SPATC1L: variants seen among roughly 807,000 people sequenced by gnomAD.
SPATC1L encodes the protein spermatogenesis and centriole associated 1 like, also known as speriolin-like protein.
In SPATC1L, 20 loss-of-function variants were observed where a neutral mutation model predicts 21.2. The observed-to-expected ratio is 0.94, with a 90% CI of 0.66 to 1.37. The LOEUF (loss-of-function observed/expected upper bound fraction) is 1.37. SPATC1L is among the 40% of genes most tolerant of loss of function. SPATC1L has a pLI of 0.00. For synonymous variants in SPATC1L, 290 were observed against 234.5 expected (o/e 1.24, Z -2.16); for missense variants, 499 against 478.7 (o/e 1.04, Z -0.40).
chr21:46,162,455 G>C (rs554791804), intron 3 of SPATC1L, among the ~76,000 whole-genome samples: 2 of 152,218 alleles, frequency 1.3e-5, no homozygotes, highest in South Asian at 4.1e-4. Flanking sequence ...AGGGCCGGTC[G>C]GCTTGGCTGG....
At position 46,162,074 on chromosome 21, in the gene SPATC1L, G is replaced by T. The variant is rs1167793450; in HGVS notation, c.545-7C>A. 4 of 1,566,816 alleles carry T rather than the reference G, an allele frequency of 2.6e-6. No individual in the cohort carries two copies. Among genetic ancestry groups the T allele is most frequent in the African/African-American group, 1.3e-5 (1 of 74,322 alleles). Reference sequence around the variant, plus strand: ...CCCGCGAAGCTCTGGATCTCTGGGGGAGGGAAGGCCGGGGACAAGGTCAGG... The same window carrying T: ...CCCGCGAAGCTCTGGATCTCTGGGGTAGGGAAGGCCGGGGACAAGGTCAGG... On this transcript the variant is annotated splice_polypyrimidine_tract_variant and splice_region_variant and intron_variant, in intron 3 of 4. Transcript: ENST00000291672.
chr21:46,166,341 G>A (rs1488202556), intron 3 of SPATC1L, among the ~76,000 whole-genome samples: 2 of 151,710 alleles, frequency 1.3e-5, no homozygotes, highest in Non-Finnish European at 2.9e-5. Flanking sequence ...ACTCCAGCCT[G>A]GGCATCAAAG....
At chr21:46,169,355 GCCC>G (rs914708373) in intron 2 of SPATC1L, among the ~76,000 whole-genome samples, 32 of 131,568 alleles carry the variant, frequency 2.4e-4, no homozygotes, top group African/African-American at 9.1e-4. Context: ...ATGGGGAGGA[GCCC>G]CCTGCTCTGT....
chr21:46,174,686 A>G (rs1339043846), intron 2 of SPATC1L, among the ~76,000 whole-genome samples: 4 of 152,246 alleles, frequency 2.6e-5, no homozygotes, highest in African/African-American at 9.6e-5. Context: ...ACCTTCAAAG[A>G]GGCTTAGACT....
rs1348368862 is a variant in SPATC1L at position 46,183,108 on chromosome 21, G to C, written c.-292C>G. 2.3e-6 allele frequency: 1 copy of C among 432,358 alleles called. No homozygotes were observed. The highest frequency in any genetic ancestry group is 4.1e-6 in the Non-Finnish European group (1 of 244,036). The allele number at this position is 432,358 out of a possible 1,614,324, so 26.8% of individuals were successfully genotyped here. ...AATGCCAAGGACATTAGGCAGCTACGGGATGTAGCGACTGTACTCCAAGAG... is the reference window on the plus strand; with the variant it reads ...AATGCCAAGGACATTAGGCAGCTACCGGATGTAGCGACTGTACTCCAAGAG... On this transcript the variant is annotated 5_prime_UTR_variant, in exon 2 of 5. Coordinates refer to ENST00000291672, the MANE Select transcript of SPATC1L (RefSeq NM_001142854.2).
At chr21:46,178,156 CG>C (rs776198850) in intron 2 of SPATC1L, among the ~76,000 whole-genome samples, 22 of 140,140 alleles carry the variant, frequency 1.6e-4, no homozygotes, top group Middle Eastern at 4.1e-3. Flanking sequence ...TGCTTGAAAT[CG>C]GGAAGCGGAG....
At chr21:46,171,254 C>A (rs1475377383) in intron 2 of SPATC1L, among the ~76,000 whole-genome samples, 1 of 152,226 alleles carries the variant, frequency 6.6e-6, no homozygotes, top group African/African-American at 2.4e-5. Flanking sequence ...TTATGAAATT[C>A]TATTCTACCT....
At chr21:46,168,198 CTG>C in intron 3 of SPATC1L, 108 bp downstream of exon 3, 1 of 671,462 alleles carries the variant, frequency 1.5e-6, no homozygotes, top group South Asian at 2.3e-5. Context: ...TCCCTCCACT[CTG>C]TGTGACTGGA....
At position 46,182,958 on chromosome 21, in the gene SPATC1L, C is replaced by T. The variant is rs1160595793; in HGVS notation, c.-142G>A. The T allele has an allele frequency of 5.7e-6, 5 of 873,848 alleles. No individual in the cohort carries two copies. The highest frequency in any genetic ancestry group is 8.4e-6 in the Non-Finnish European group (5 of 598,356). 54.1% of individuals were successfully genotyped at this position (873,848 alleles called of 1,614,324 possible). ...CTTCCACGCCTTGTGATGTCACTGC[C>T]CTAGTGATGAGGTGCCCAGCACCCT... is the stretch of plus-strand genomic sequence containing the variant. On this transcript the variant is annotated 5_prime_UTR_variant, in exon 2 of 5. Transcript: ENST00000291672.
chr21:46,175,621 C>A (rs1260353700), intron 2 of SPATC1L, among the ~76,000 whole-genome samples: 2 of 152,118 alleles, frequency 1.3e-5, no homozygotes, highest in Admixed American at 1.3e-4. Flanking sequence ...TAAATGGAAT[C>A]CCTGAACACA....
In SPATC1L at chr21:46,182,825, C is replaced by T. The variant is rs1004736497; in HGVS notation, c.-9G>A. ...TCGCCGCCTTCAGCCATGGCGGGTG[C>T]GTCCCTCCTTGTCCCTCACGGCTCC... On this transcript the variant is annotated 5_prime_UTR_variant, in exon 2 of 5. Transcript: ENST00000291672. 30 of 1,521,846 alleles carry T rather than the reference C, an allele frequency of 2.0e-5. No individual in the cohort carries two copies. Among genetic ancestry groups the T allele is most frequent in the East Asian group, 1.2e-4 (5 of 40,154 alleles). The allele number at this position is 1,521,846 out of a possible 1,614,324, so 94.3% of individuals were successfully genotyped here. A position where few individuals can be genotyped will look rare whatever the true frequency, so the allele number is the denominator to read the frequency against.
chr21:46,166,477 C>T (rs936959770), intron 3 of SPATC1L, among the ~76,000 whole-genome samples: 6 of 150,770 alleles, frequency 4.0e-5, no homozygotes, highest in Non-Finnish European at 7.4e-5. Context: ...AATCAAAAGA[C>T]GGAGTGGCTG....
chr21:46,173,218 G>A (rs540854733), intron 2 of SPATC1L, among the ~76,000 whole-genome samples: 156 of 152,290 alleles, frequency 1.0e-3, no homozygotes, highest in Non-Finnish European at 1.8e-3. Context: ...GCACCCCTTC[G>A]TCTGCTGGCC....
chr21:46,175,286 C>A lies in SPATC1L; in HGVS notation c.194-6628G>T, dbSNP rs569610060. On this transcript the variant is annotated intron_variant, in intron 2 of 4. Coordinates refer to ENST00000291672, the MANE Select transcript of SPATC1L (RefSeq NM_001142854.2). ...AAGAGCAAACAAATCCCAAAGCTAG[C>A]AGAAAACAAGAAATAACCAAAATCA... 7.2e-5 allele frequency among the ~76,000 whole-genome samples: 11 copies of A among 152,202 alleles called. No homozygotes were observed. The East Asian group carries it at 1.9e-3, about 27-fold the overall frequency.
At chr21:46,172,098 CAGGAGTGCAGAGCAT>C (rs2079595866) in intron 2 of SPATC1L, among the ~76,000 whole-genome samples, 1 of 37,180 alleles carries the variant, frequency 2.7e-5, no homozygotes, top group Non-Finnish European at 6.3e-5. Context: ...GAGCATGAGG[CAGGAGTGCAGAGCAT>C]GAGGCGGGGG....
At chr21:46,168,829 A>G (rs61140994) in intron 2 of SPATC1L, among the ~76,000 whole-genome samples, 171 bp from the exon 3 acceptor site, 16,345 of 152,070 alleles carry the variant, frequency 0.11, 1,199 homozygotes, top group African/African-American at 0.2. Context: ...CAAGTGTAAA[A>G]GGAGGAGCTG....
chr21:46,165,238 C>T (rs538887481), intron 3 of SPATC1L, among the ~76,000 whole-genome samples: 2 of 152,188 alleles, frequency 1.3e-5, no homozygotes, highest in Non-Finnish European at 2.9e-5. Flanking sequence ...TTACAGGTCA[C>T]ATTTGACAGT....
At chr21:46,182,091 C>T (rs1038545578) in intron 2 of SPATC1L, among the ~76,000 whole-genome samples, 1 of 152,234 alleles carries the variant, frequency 6.6e-6, no homozygotes, top group Admixed American at 6.5e-5. Flanking sequence ...CCACTTGTCC[C>T]TACCTGCTCC....
intron 2 of SPATC1L, among the ~76,000 whole-genome samples, chr21:46,176,371 T>C (rs1031922411): frequency 6.6e-6 from 1 of 152,210 alleles, no homozygotes; most frequent in South Asian, 2.1e-4. Flanking sequence ...CATGATCTTA[T>C]ATCTAGAAAA....
Sources: gnomAD v4.1 joint callset for allele counts (sites outside exome capture counted in the v4.1 genomes callset) on GRCh38, gnomAD v4.1.1 for gene constraint, MANE v1.5 for transcripts, NCBI Gene and HGNC (gene_info 2026-07-23, HGNC 2026-07-21) for gene names.